Variants in PCNX1 observed in about 807,000 individuals in gnomAD.
The protein encoded by PCNX1 is pecanex-like protein 1.
PCNX1 carries 78 observed loss-of-function variants against 242.2 expected under a neutral mutation model. That is an observed-to-expected ratio of 0.32 (90% CI 0.27 to 0.39). PCNX1 has a LOEUF of 0.39. PCNX1 is among the 10% of genes least tolerant of loss of function. The pLI, the probability that PCNX1 is intolerant of heterozygous loss-of-function variation, is 1.00. For missense variants in PCNX1, 2,581 were observed against 2,856.5 expected (o/e 0.90, Z 2.20); for synonymous variants, 1,024 against 1,032.9 (o/e 0.99, Z 0.17).
chr14:70,914,251 C>CACA, intron 1 of PCNX1, among the ~76,000 whole-genome samples: 1 of 152,080 alleles, frequency 6.6e-6, no homozygotes, highest in Non-Finnish European at 1.5e-5. Context: ...ACTTGGGTGA[C>CACA]AGGATCATTA....
chr14:70,962,074 T>G, intron 2 of PCNX1, 152 bp from the exon 3 acceptor site: 1 of 587,864 alleles, frequency 1.7e-6, no homozygotes, highest in Non-Finnish European at 3.1e-6. Context: ...AAATGAAGAA[T>G]GATCGTTGTT....
chr14:71,031,988 A>C, intron 16 of PCNX1: 301 of 1,165,144 alleles, frequency 2.6e-4, no homozygotes, highest in Non-Finnish European at 3.6e-4. Context: ...TCATTGTCTC[A>C]TGCCAAGAAA....
intron 1 of PCNX1, among the ~76,000 whole-genome samples, chr14:70,908,211 G>A (rs1399716724): frequency 6.6e-6 from 1 of 152,128 alleles, no homozygotes; most frequent in Non-Finnish European, 1.5e-5. Flanking sequence ...CGAGCCCACG[G>A]CAACCCGCGC....
chr14:71,026,708 C>G, intron 14 of PCNX1, 64 bp from the exon 15 acceptor site: 1 of 681,062 alleles, frequency 1.5e-6, no homozygotes, highest in South Asian at 2.3e-5. Context: ...ATTATGACCT[C>G]TCAGTGGACA....
At chr14:71,008,655 CAAAAAAAAAAAA>C (rs777494885) in intron 8 of PCNX1, among the ~76,000 whole-genome samples, 3 of 32,752 alleles carry the variant, frequency 9.2e-5, no homozygotes, top group Admixed American at 3.5e-4. Flanking sequence ...GACTCTGTCT[CAAAAAAAAAAAA>C]AAAAAAAAAA....
chr14:71,026,747 A>T, intron 14 of PCNX1, 25 bp from the exon 15 acceptor site: 1 of 1,069,488 alleles, frequency 9.4e-7, no homozygotes, highest in Non-Finnish European at 1.4e-6. Flanking sequence ...AATATTTTAA[A>T]ATATACTTTT....
At position 70,938,059 on chromosome 14, in the gene PCNX1, A is replaced by G. The variant is rs563588745; in HGVS notation, c.154-8856A>G. ...AGACGATAGGGTTTTCTAAATATAC[A>G]ATCATGTCATCTGCAAACAGGGACA... On this transcript the variant is annotated intron_variant, in intron 1 of 35. Transcript: ENST00000304743. Among the ~76,000 whole-genome samples the G allele has an allele frequency of 2.6e-5, 4 of 152,336 alleles. No homozygotes were observed. In the South Asian group the frequency reaches 8.3e-4, roughly 32 times the overall value.
At chr14:70,993,028 A>G (rs79465617) in intron 7 of PCNX1, among the ~76,000 whole-genome samples, 1,873 of 152,204 alleles carry the variant, frequency 0.012, 44 homozygotes, top group African/African-American at 0.043. Context: ...ATTTCTCAAA[A>G]GATATTAGGC....
In PCNX1 at chr14:71,103,493, A is replaced by G. The variant is rs1383938933; in HGVS notation, c.5919A>G (p.Ala1973=). ...RNPERGSIQN[A]KQALRNMINS... ...CAGAGAGAGGTAGCATCCAAAATGC[A>G]AAGCAAGCCCTGAGAAACATGATAA... The change falls in exon 32 of 36, where the codon GCA becomes GCG. Residue 1973 remains alanine, a synonymous_variant. Transcript: ENST00000304743. The G allele has an allele frequency of 6.2e-7, 1 of 1,614,210 alleles. No homozygotes were observed. Among genetic ancestry groups the G allele is most frequent in the East Asian group, 2.2e-5 (1 of 44,884 alleles).
chr14:70,954,407 A>G (rs1297979183), intron 2 of PCNX1, among the ~76,000 whole-genome samples: 1 of 152,196 alleles, frequency 6.6e-6, no homozygotes, highest in African/African-American at 2.4e-5. Flanking sequence ...TTTTTGATGT[A>G]AACTTCAGAG....
At position 70,907,838 on chromosome 14, in the gene PCNX1, G is replaced by A. The variant is rs1209822651; in HGVS notation, c.-13G>A. 2 of 1,285,352 alleles carry A rather than the reference G, an allele frequency of 1.6e-6. No homozygotes were observed. The highest frequency in any genetic ancestry group is 2.0e-6 in the Non-Finnish European group (2 of 1,013,706). The allele number at this position is 1,285,352 out of a possible 1,614,324, so 79.6% of individuals were successfully genotyped here. A position where few individuals can be genotyped will look rare whatever the true frequency, so the allele number is the denominator to read the frequency against. Reference sequence around the variant, plus strand: ...GGCGGCGGCGGCGGCGACGGCGGCGGCGCCGGGTGGGGATGGGGTCGCAGA... The same window carrying A: ...GGCGGCGGCGGCGGCGACGGCGGCGACGCCGGGTGGGGATGGGGTCGCAGA... On this transcript the variant is annotated 5_prime_UTR_variant, in exon 1 of 36. Transcript: ENST00000304743.
At chr14:71,052,831 A>G (rs932680098) in intron 24 of PCNX1, among the ~76,000 whole-genome samples, 1 of 152,180 alleles carries the variant, frequency 6.6e-6, no homozygotes, top group African/African-American at 2.4e-5. Context: ...CTTAGTAACT[A>G]TCCTTGTATG....
intron 30 of PCNX1, among the ~76,000 whole-genome samples, chr14:71,097,011 C>T (rs75267868): frequency 0.062 from 9,416 of 152,128 alleles, 418 homozygotes; most frequent in East Asian, 0.27. Context: ...CACCCCGCAC[C>T]GGCATCTCCT....
At chr14:71,057,099 T>A (rs373392674) in intron 25 of PCNX1, among the ~76,000 whole-genome samples, 529 of 152,340 alleles carry the variant, frequency 3.5e-3, no homozygotes, top group African/African-American at 0.012. Context: ...TTTGTTCAAA[T>A]CTTGTATTAT....
At chr14:70,994,401 A>ATG (rs1346183930) in intron 7 of PCNX1, among the ~76,000 whole-genome samples, 1 of 33,830 alleles carries the variant, frequency 3.0e-5, no homozygotes, top group African/African-American at 9.3e-5. Context: ...CTTAAGATAT[A>ATG]TATATATATA....
chr14:71,083,231 T>C (rs1370786163), intron 28 of PCNX1, among the ~76,000 whole-genome samples: 1 of 152,256 alleles, frequency 6.6e-6, no homozygotes, highest in Non-Finnish European at 1.5e-5. Flanking sequence ...GCTGTTAGTC[T>C]GATGGGCTTC....
At chr14:71,005,377 G>A (rs767068634) in intron 8 of PCNX1, among the ~76,000 whole-genome samples, 10 of 152,094 alleles carry the variant, frequency 6.6e-5, no homozygotes, top group South Asian at 2.1e-4. Flanking sequence ...GCACTGTGGC[G>A]TGTGCCTGCA....
At chr14:71,014,799 CAA>C (rs1432483010) in intron 11 of PCNX1, among the ~76,000 whole-genome samples, 3 of 152,106 alleles carry the variant, frequency 2.0e-5, no homozygotes. Context: ...AATAAGGAGA[CAA>C]AAGATTTTGA....
chr14:71,108,688 A>G lies in PCNX1; in HGVS notation c.6386A>G (p.Tyr2129Cys), dbSNP rs1292993493. 1 of 1,614,180 alleles carries G rather than the reference A, an allele frequency of 6.2e-7. No individual in the cohort carries two copies. The highest frequency in any genetic ancestry group is 8.5e-7 in the Non-Finnish European group (1 of 1,180,024). Residue 2129 changes from tyrosine (Y) to cysteine (C), a missense_variant, in exon 34 of 36, where the codon TAC (tyrosine) becomes TGC (cysteine). Coordinates refer to ENST00000304743, the MANE Select transcript of PCNX1 (RefSeq NM_014982.3). ...ARASVASQSS[Y>C]CYSSRHSSLR... ...GCCTCAGTAGCCAGCCAGTCTTCCT[A>G]CTGCTATAGCAGCCGGCATTCATCC... is the stretch of plus-strand genomic sequence containing the variant.
Sources: allele counts gnomAD v4.1 joint callset (sites outside exome capture counted in the v4.1 genomes callset), GRCh38; gene constraint gnomAD v4.1.1; transcripts MANE v1.5; gene names NCBI Gene and HGNC (gene_info 2026-07-23, HGNC 2026-07-21).